BMP2K: variants seen among roughly 807,000 people sequenced by gnomAD.
BMP2K encodes BMP2 inducible kinase, also known as BMP-2-inducible protein kinase.
Under a neutral mutation model 116.0 loss-of-function variants are expected in BMP2K, and 74 were observed. The observed-to-expected ratio is 0.64, with a 90% CI of 0.53 to 0.77. The LOEUF (loss-of-function observed/expected upper bound fraction) is 0.77. Among genes scored for constraint, BMP2K ranks in the 30% least tolerant of loss-of-function variants. BMP2K has a pLI of 0.00. For missense variants in BMP2K, 1,365 were observed against 1,403.6 expected, an observed-to-expected ratio of 0.97 and a Z score of 0.44; for synonymous variants, 486 against 502.5, an observed-to-expected ratio of 0.97 and a Z score of 0.44.
At chr4:78,802,198 T>C (rs748623480) in intron 1 of BMP2K, among the ~76,000 whole-genome samples, 21 of 152,238 alleles carry the variant, frequency 1.4e-4, no homozygotes, top group Admixed American at 1.4e-3. Flanking sequence ...CAATTTCACA[T>C]TGAGGCTAAA....
In BMP2K at chr4:78,913,710, A is replaced by C. The variant is rs1560563495; in HGVS notation, c.*1677A>C. The C allele has an allele frequency of 6.6e-6, 1 of 152,172 alleles. No homozygotes were observed. Among genetic ancestry groups the C allele is most frequent in the African/African-American group, 2.4e-5 (1 of 41,452 alleles). The allele number at this position is 152,172 out of a possible 1,614,324, so 9.4% of individuals were successfully genotyped here. A position where few individuals can be genotyped will look rare whatever the true frequency, so the allele number is the denominator to read the frequency against. On this transcript the variant is annotated 3_prime_UTR_variant, in exon 16 of 16. Transcript: ENST00000502613. The stretch of plus-strand genomic sequence containing the variant: ...ACTTGGAAAGAAGCAAAGTATATGT[A>C]ACTAAACCACATATTTGTCTTTTTA...
intron 13 of BMP2K, among the ~76,000 whole-genome samples, chr4:78,878,121 A>G (rs747232322): frequency 7.2e-5 from 11 of 152,186 alleles, no homozygotes; most frequent in Admixed American, 3.9e-4. Flanking sequence ...AATTTATTAT[A>G]TGCAAAAATA....
At chr4:78,864,840 G>A (rs1470010065) in intron 9 of BMP2K, among the ~76,000 whole-genome samples, 2 of 152,114 alleles carry the variant, frequency 1.3e-5, no homozygotes. Flanking sequence ...TAGAAAGCAA[G>A]TTGATAAATA....
chr4:78,805,256 T>C (rs907090001), intron 1 of BMP2K, among the ~76,000 whole-genome samples: 2 of 152,204 alleles, frequency 1.3e-5, no homozygotes, highest in Non-Finnish European at 2.9e-5. Flanking sequence ...CTGAGTTCTT[T>C]TCCATGATCT....
intron 2 of BMP2K, among the ~76,000 whole-genome samples, chr4:78,826,711 G>T (rs1231992800): frequency 1.3e-5 from 2 of 152,072 alleles, no homozygotes. Flanking sequence ...TATGTAAAAT[G>T]TAGTATTTGC....
intron 14 of BMP2K, among the ~76,000 whole-genome samples, chr4:78,885,353 T>A (rs1733023507): frequency 6.6e-6 from 1 of 152,112 alleles, no homozygotes; most frequent in Non-Finnish European, 1.5e-5. Flanking sequence ...TATTCAAGAG[T>A]GTACTTCTTG....
At chr4:78,858,507 A>G (rs1391411671) in intron 7 of BMP2K, among the ~76,000 whole-genome samples, 1 of 151,962 alleles carries the variant, frequency 6.6e-6, no homozygotes, top group Non-Finnish European at 1.5e-5. Flanking sequence ...CACTGAGCTC[A>G]GAATCTCTCA....
intron 1 of BMP2K, among the ~76,000 whole-genome samples, chr4:78,804,299 T>G (rs1578480705): frequency 1.3e-5 from 2 of 152,358 alleles, no homozygotes; most frequent in East Asian, 3.9e-4. Context: ...TCATTCTTTT[T>G]TATGGCTGAA....
chr4:78,847,587 T>C, intron 6 of BMP2K, among the ~76,000 whole-genome samples: 1 of 151,630 alleles, frequency 6.6e-6, no homozygotes, highest in South Asian at 2.1e-4. Flanking sequence ...GATCAAAATA[T>C]GGAAAAGCTG....
intron 1 of BMP2K, among the ~76,000 whole-genome samples, chr4:78,792,685 A>G (rs1284582078): frequency 6.6e-6 from 1 of 152,074 alleles, no homozygotes; most frequent in Non-Finnish European, 1.5e-5. Flanking sequence ...TAAATTCTGT[A>G]ATGGAATATC....
intron 14 of BMP2K, chr4:78,879,290 A>G: frequency 1.0e-6 from 1 of 997,256 alleles, no homozygotes; most frequent in Non-Finnish European, 1.2e-6. Flanking sequence ...TGGGTCTGAG[A>G]TGCCCTTTGA....
chr4:78,870,711 G>T, intron 10 of BMP2K, 72 bp from the exon 11 acceptor site: 1 of 1,521,852 alleles, frequency 6.6e-7, no homozygotes, highest in South Asian at 1.3e-5. Flanking sequence ...TTATTGAAAT[G>T]AGCATGTTGA....
intron 15 of BMP2K, among the ~76,000 whole-genome samples, chr4:78,893,186 C>T (rs966584648): frequency 6.6e-6 from 1 of 152,220 alleles, no homozygotes; most frequent in Non-Finnish European, 1.5e-5. Context: ...ACAGCATCTT[C>T]ACCAGGAACA....
intron 15 of BMP2K, among the ~76,000 whole-genome samples, chr4:78,894,309 T>C (rs1733588762): frequency 6.6e-6 from 1 of 152,256 alleles, no homozygotes; most frequent in Admixed American, 6.5e-5. Flanking sequence ...CTAGATGGCA[T>C]CTTCCAATAG....
At position 78,911,146 on chromosome 4, in the gene BMP2K, C is replaced by T; in HGVS notation, c.2599C>T (p.Arg867Cys). 1.9e-6 allele frequency: 3 copies of T among 1,613,898 alleles called. No homozygotes were observed. Among genetic ancestry groups the T allele is most frequent in the South Asian group, 1.1e-5 (1 of 91,074 alleles). The part of the protein sequence containing the change: ...VFGAVPFFAV[R>C]AQQPQQEKNE... ...TGGCGCTGTCCCCTTCTTTGCAGTG[C>T]GTGCTCAACAGCCCCAGCAAGAAAA... The change falls in exon 16 of 16, where the codon CGT (arginine) becomes TGT (cysteine). Residue 867 changes from arginine (R) to cysteine (C), a missense_variant. Coordinates refer to ENST00000502613, the MANE Select transcript of BMP2K (RefSeq NM_198892.2).
At chr4:78,784,679 ATTT>A (rs113566099) in intron 1 of BMP2K, among the ~76,000 whole-genome samples, 7,113 of 152,268 alleles carry the variant, frequency 0.047, 577 homozygotes, top group African/African-American at 0.16. Flanking sequence ...AGTAAGTATT[ATTT>A]TAAAATATGG....
In BMP2K at chr4:78,819,166, G is replaced by A. The variant is rs1040571902; in HGVS notation, c.179-6871G>A. On this transcript the variant is annotated intron_variant, in intron 1 of 15. Coordinates refer to ENST00000502613, the MANE Select transcript of BMP2K (RefSeq NM_198892.2). ...AATCTAGCATAATCAAGGGGAAGGC[G>A]GAAGCAAGGCTTTTGGGGTCAGACA... is the stretch of plus-strand genomic sequence containing the variant. Among the ~76,000 whole-genome samples, 12 of 152,102 alleles carry A rather than the reference G, an allele frequency of 7.9e-5. 1 individual carries two copies. The highest frequency in any genetic ancestry group is 5.2e-4 in the Admixed American group (8 of 15,258).
intron 15 of BMP2K, among the ~76,000 whole-genome samples, chr4:78,897,203 T>TA: frequency 6.6e-6 from 1 of 152,146 alleles, no homozygotes; most frequent in Admixed American, 6.5e-5. Flanking sequence ...TTGATTTTTT[T>TA]AAGCCTTATT....
intron 3 of BMP2K, among the ~76,000 whole-genome samples, chr4:78,836,376 C>A (rs1730479959): frequency 6.6e-6 from 1 of 151,538 alleles, no homozygotes; most frequent in Non-Finnish European, 1.5e-5. Flanking sequence ...AAGATCGCTC[C>A]ACTGCACTCC....
Sources: gnomAD v4.1 joint callset for allele counts (sites outside exome capture counted in the v4.1 genomes callset) on GRCh38, gnomAD v4.1.1 for gene constraint, MANE v1.5 for transcripts, NCBI Gene and HGNC (gene_info 2026-07-23, HGNC 2026-07-21) for gene names.